SCMH1: variants seen among roughly 807,000 people sequenced by gnomAD.
SCMH1 encodes the protein Scm polycomb group protein homolog 1, also known as polycomb protein SCMH1.
A neutral mutation model predicts 70.8 loss-of-function variants in SCMH1; 37 were observed. That is an observed-to-expected ratio of 0.52 (90% confidence interval 0.40 to 0.69). SCMH1 has a LOEUF of 0.69. Among genes scored for constraint, SCMH1 ranks in the 30% least tolerant of loss-of-function variants. The pLI, the probability that SCMH1 is intolerant of heterozygous loss-of-function variation, is 0.00. For synonymous variants in SCMH1, 292 were observed against 307.4 expected, an observed-to-expected ratio of 0.95 and a Z score of 0.52; for missense variants, 607 against 827.3, an observed-to-expected ratio of 0.73 and a Z score of 3.27.
At chr1:41,237,057 A>G (rs2148936787) in intron 1 of SCMH1, among the ~76,000 whole-genome samples, 1 of 152,342 alleles carries the variant, frequency 6.6e-6, no homozygotes, top group Middle Eastern at 3.4e-3. Flanking sequence ...TATCTAAAGT[A>G]CTTTGCACTT....
intron 8 of SCMH1, among the ~76,000 whole-genome samples, chr1:41,106,353 A>AC (rs1210633045): frequency 6.7e-6 from 1 of 148,736 alleles, no homozygotes; most frequent in Non-Finnish European, 1.5e-5. Context: ...AAAGTGTGAC[A>AC]CCCCCCTCCC....
chr1:41,174,280 T>TA (rs1402577511), intron 2 of SCMH1, among the ~76,000 whole-genome samples: 4 of 146,464 alleles, frequency 2.7e-5, no homozygotes, highest in Admixed American at 1.4e-4. Context: ...TTTTTTTTTT[T>TA]AAAGACTGCC....
At chr1:41,165,562 T>C (rs1267857744) in intron 2 of SCMH1, among the ~76,000 whole-genome samples, 1 of 152,152 alleles carries the variant, frequency 6.6e-6, no homozygotes, top group East Asian at 1.9e-4. Context: ...TTTCATCTTT[T>C]TGATAAGAGC....
At position 41,064,067 on chromosome 1, in the gene SCMH1, A is replaced by G. The variant is rs139030298; in HGVS notation, c.1105+6528T>C. ...CACTATGACCAAGTCAGATTTATCC[A>G]AAGTATGCAAGGCTGACTCAACATT... On this transcript the variant is annotated intron_variant, in intron 10 of 14. Coordinates refer to ENST00000337495, the Ensembl canonical transcript of SCMH1. 1.5e-3 allele frequency among the ~76,000 whole-genome samples: 225 copies of G among 152,364 alleles called. 3 individuals are homozygous for G. The highest frequency in any genetic ancestry group is 9.4e-3 in the East Asian group (49 of 5,190).
intron 8 of SCMH1, among the ~76,000 whole-genome samples, chr1:41,095,602 C>T (rs1182395049): frequency 6.6e-6 from 1 of 152,110 alleles, no homozygotes. Flanking sequence ...ATGCTGGAAG[C>T]AGGAAAATGT....
At chr1:41,146,938 T>A (rs1644636290) in intron 5 of SCMH1, among the ~76,000 whole-genome samples, 1 of 152,120 alleles carries the variant, frequency 6.6e-6, no homozygotes, top group African/African-American at 2.4e-5. Context: ...TTCTAAGGTT[T>A]TCTTTATATA....
chr1:41,236,663 C>A (rs779527624), intron 1 of SCMH1, among the ~76,000 whole-genome samples: 1 of 152,076 alleles, frequency 6.6e-6, no homozygotes, highest in Non-Finnish European at 1.5e-5. Context: ...CAGGGATGAT[C>A]GGATCCCTAC....
At chr1:41,118,781 T>C (rs1671176412) in intron 6 of SCMH1, among the ~76,000 whole-genome samples, 1 of 152,240 alleles carries the variant, frequency 6.6e-6, no homozygotes, top group Non-Finnish European at 1.5e-5. Context: ...GCTTCAACTC[T>C]GCATCCTGAG....
intron 8 of SCMH1, among the ~76,000 whole-genome samples, chr1:41,084,855 T>C (rs930790779): frequency 2.6e-5 from 4 of 151,922 alleles, no homozygotes; most frequent in African/African-American, 9.7e-5. Flanking sequence ...GAAATCATCA[T>C]TCTCAGTAAA....
At chr1:41,119,495 C>T (rs1189500098) in intron 6 of SCMH1, among the ~76,000 whole-genome samples, 1 of 151,696 alleles carries the variant, frequency 6.6e-6, no homozygotes, top group Non-Finnish European at 1.5e-5. Flanking sequence ...TTGGTGGGCA[C>T]GTCAACCACA....
intron 6 of SCMH1, among the ~76,000 whole-genome samples, chr1:41,139,683 G>C (rs1643875408): frequency 6.6e-6 from 1 of 151,986 alleles, no homozygotes; most frequent in South Asian, 2.1e-4. Context: ...AAAAAGGCAG[G>C]GGATAGATAC....
chr1:41,171,338 TG>T (rs1405243525), intron 2 of SCMH1, among the ~76,000 whole-genome samples: 3 of 152,126 alleles, frequency 2.0e-5, no homozygotes, highest in African/African-American at 4.8e-5. Context: ...AACTACCAAC[TG>T]CAGACTCACA....
intron 1 of SCMH1, among the ~76,000 whole-genome samples, chr1:41,229,304 G>A (rs959647806): frequency 1.3e-5 from 2 of 152,076 alleles, no homozygotes; most frequent in Non-Finnish European, 2.9e-5. Flanking sequence ...TTGGCAATGC[G>A]GCACTATTCA....
chr1:41,113,191 A>G lies in SCMH1; in HGVS notation c.745+92T>C, dbSNP rs1463658368. ...TTGCTCCTCCCCTGCATACTAGTGA[A>G]GTATACTGGTGAAGATATGATCATG... is the stretch of plus-strand genomic sequence containing the variant. On this transcript the variant is annotated intron_variant, in intron 8 of 14. Transcript: ENST00000337495. The surrounding 1 kb of genome is among the most constrained non-coding windows in gnomAD (Gnocchi z 4.3). 2.7e-6 allele frequency: 4 copies of G among 1,478,700 alleles called. No individual in the cohort carries two copies. In the Admixed American group the frequency reaches 6.5e-5, roughly 24 times the overall value. The allele number at this position is 1,478,700 out of a possible 1,614,324, so 91.6% of individuals were successfully genotyped here. A position where few individuals can be genotyped will look rare whatever the true frequency, so the allele number is the denominator to read the frequency against.
chr1:41,028,750 C>T, intron 13 of SCMH1, 24 bp from the exon 15 acceptor site: 1 of 1,612,604 alleles, frequency 6.2e-7, no homozygotes, highest in South Asian at 1.1e-5. Flanking sequence ...GGGCACCTAC[C>T]ATAAAGGGCG....
intron 8 of SCMH1, among the ~76,000 whole-genome samples, chr1:41,091,635 C>T (rs1663548092): frequency 6.6e-6 from 1 of 152,078 alleles, no homozygotes; most frequent in African/African-American, 2.4e-5. Context: ...TTTAGAAAAC[C>T]CCATCATCTC....
intron 6 of SCMH1, among the ~76,000 whole-genome samples, chr1:41,137,345 T>G (rs1281083132): frequency 6.6e-6 from 1 of 152,210 alleles, no homozygotes; most frequent in Non-Finnish European, 1.5e-5. Flanking sequence ...TTTTGCAAAC[T>G]TTGTTTATAT....
At chr1:41,126,097 C>T (rs1051909646) in intron 6 of SCMH1, among the ~76,000 whole-genome samples, 1 of 152,124 alleles carries the variant, frequency 6.6e-6, no homozygotes, top group African/African-American at 2.4e-5. Flanking sequence ...AGGGTTCTTC[C>T]TCATCTTTTT....
intron 1 of SCMH1, among the ~76,000 whole-genome samples, chr1:41,215,682 G>T (rs986491837): frequency 2.6e-5 from 4 of 151,954 alleles, no homozygotes; most frequent in Non-Finnish European, 4.4e-5. Flanking sequence ...CCTTTCTCTA[G>T]ATAATCATTT....
Sources: allele counts gnomAD v4.1 joint callset (sites outside exome capture counted in the v4.1 genomes callset), GRCh38; gene constraint gnomAD v4.1.1; non-coding constraint Gnocchi (gnomAD v3.1); transcripts MANE v1.5; gene names NCBI Gene and HGNC (gene_info 2026-07-23, HGNC 2026-07-21).